PPP1R21: variants seen among roughly 807,000 people sequenced by gnomAD.
PPP1R21 encodes protein phosphatase 1 regulatory subunit 21, also known as KLRAQ motif containing 1.
Under a neutral mutation model 112.8 loss-of-function variants are expected in PPP1R21, and 85 were observed. The ratio of observed to expected loss-of-function variants is 0.75; its 90% confidence interval spans 0.63 to 0.90. PPP1R21 has a LOEUF of 0.90. Ranked by LOEUF, PPP1R21 falls within the 40% of genes least tolerant of loss-of-function variation. The pLI is 0.00. For missense variants in PPP1R21, 1,199 were observed against 901.5 expected, an observed-to-expected ratio of 1.33 and a Z score of -4.23; for synonymous variants, 381 against 322.3, an observed-to-expected ratio of 1.18 and a Z score of -1.95.
intron 1 of PPP1R21, among the ~76,000 whole-genome samples, chr2:48,445,135 C>CTTTTTTT (rs756357658): frequency 9.7e-6 from 1 of 102,636 alleles, no homozygotes; most frequent in Non-Finnish European, 1.9e-5. Context: ...TGAATATGAG[C>CTTTTTTT]TTTTTTTTTT....
At chr2:48,489,905 C>T (rs916577396) in intron 14 of PPP1R21, among the ~76,000 whole-genome samples, 9 of 151,932 alleles carry the variant, frequency 5.9e-5, no homozygotes, top group African/African-American at 1.9e-4. Context: ...TTAGCTGGGA[C>T]GTGGTGGTGC....
Position 48,469,285 on chromosome 2 carries a change from GTGTGTGTGTGTA to G in PPP1R21, c.898-1798_898-1787del, listed in dbSNP as rs773141550. Among the ~76,000 whole-genome samples, 230 of 49,124 alleles carry G rather than the reference GTGTGTGTGTGTA, an allele frequency of 4.7e-3. 10 individuals carry two copies. The highest frequency in any genetic ancestry group is 7.0e-3 in the African/African-American group (97 of 13,810). The allele number at this position is 49,124 out of a possible 152,430, so 32.2% of individuals were successfully genotyped here. The stretch of plus-strand genomic sequence containing the variant: ...ATTGTGTGTGTGTGTGTGTGTGTGT[GTGTGTGTGTGTA>G]TGTATATATATACACACACACACAT... On this transcript the variant is annotated intron_variant, in intron 9 of 21. Transcript: ENST00000294952.
At chr2:48,500,325 C>T (rs1205202813) in intron 17 of PPP1R21, among the ~76,000 whole-genome samples, 1 of 151,850 alleles carries the variant, frequency 6.6e-6, no homozygotes, top group Non-Finnish European at 1.5e-5. Context: ...CTGCACAGAT[C>T]AATAAAGCAA....
intron 3 of PPP1R21, among the ~76,000 whole-genome samples, chr2:48,456,484 C>T (rs564891743): frequency 2.0e-5 from 3 of 152,160 alleles, no homozygotes; most frequent in East Asian, 1.9e-4. Context: ...CTGTGACTTT[C>T]GGCACAATTT....
chr2:48,497,401 T>C (rs1024656759), intron 16 of PPP1R21, among the ~76,000 whole-genome samples: 1 of 152,204 alleles, frequency 6.6e-6, no homozygotes, highest in Non-Finnish European at 1.5e-5. Flanking sequence ...GCCTTCCTCA[T>C]GCCCATTTCC....
At chr2:48,455,409 C>T (rs1362420239) in intron 3 of PPP1R21, among the ~76,000 whole-genome samples, 1 of 151,444 alleles carries the variant, frequency 6.6e-6, no homozygotes, top group Non-Finnish European at 1.5e-5. Context: ...TCCCAAAGTG[C>T]TGGGATTACA....
At chr2:48,496,812 A>C (rs1053256538) in intron 16 of PPP1R21, among the ~76,000 whole-genome samples, 5 of 152,168 alleles carry the variant, frequency 3.3e-5, no homozygotes, top group Admixed American at 3.3e-4. Flanking sequence ...ATGGTTGTCA[A>C]TCATGCCTAT....
At chr2:48,473,926 G>GT (rs1184578880) in intron 11 of PPP1R21, among the ~76,000 whole-genome samples, 2 of 152,106 alleles carry the variant, frequency 1.3e-5, no homozygotes, top group African/African-American at 4.8e-5. Flanking sequence ...TTGTAAATCT[G>GT]TTTGGCTTTG....
At chr2:48,470,077 T>C (rs922057094) in intron 9 of PPP1R21, among the ~76,000 whole-genome samples, 6 of 152,200 alleles carry the variant, frequency 3.9e-5, no homozygotes, top group African/African-American at 1.4e-4. Context: ...TGAGCTATTA[T>C]GTAACATTAG....
chr2:48,467,916 T>G (rs1036547579), intron 9 of PPP1R21, among the ~76,000 whole-genome samples: 7 of 152,222 alleles, frequency 4.6e-5, no homozygotes, highest in Non-Finnish European at 8.8e-5. Context: ...GTCTGAAATA[T>G]GAGTCATGCC....
chr2:48,489,249 T>C (rs946399473), intron 14 of PPP1R21, among the ~76,000 whole-genome samples: 2 of 152,110 alleles, frequency 1.3e-5, no homozygotes, highest in African/African-American at 2.4e-5. Flanking sequence ...GCATTTCATA[T>C]AGCACTGAAG....
chr2:48,497,984 A>T (rs1243626149), intron 16 of PPP1R21, among the ~76,000 whole-genome samples: 1 of 152,138 alleles, frequency 6.6e-6, no homozygotes, highest in Non-Finnish European at 1.5e-5. Context: ...GTTTACAAAC[A>T]TGTCCATTTT....
intron 9 of PPP1R21, among the ~76,000 whole-genome samples, chr2:48,467,985 T>G (rs1668279467): frequency 1.3e-5 from 2 of 152,228 alleles, no homozygotes; most frequent in Non-Finnish European, 2.9e-5. Context: ...ATGCAGTATT[T>G]TCAGGGTCTG....
intron 6 of PPP1R21, 52 bp downstream of exon 6, chr2:48,460,205 A>C: frequency 6.3e-7 from 1 of 1,584,708 alleles, no homozygotes; most frequent in Non-Finnish European, 8.7e-7. Flanking sequence ...CTCAGAAGAC[A>C]TGGGTTTTGG....
intron 13 of PPP1R21, among the ~76,000 whole-genome samples, chr2:48,485,591 A>G (rs1669246693): frequency 6.6e-6 from 1 of 151,944 alleles, no homozygotes. Flanking sequence ...ATATAGGAAT[A>G]TATTAATAAT....
chr2:48,440,820 C>T lies in PPP1R21; in HGVS notation c.-134C>T, dbSNP rs922181495. 58 of 663,004 alleles carry T rather than the reference C, an allele frequency of 8.7e-5. No homozygotes were observed. In the African/African-American group the frequency reaches 9.1e-4, roughly 10 times the overall value. 41.1% of individuals were successfully genotyped at this position (663,004 alleles called of 1,614,324 possible). On this transcript the variant is annotated 5_prime_UTR_variant, in exon 1 of 22. Transcript: ENST00000294952. ...GGAAGTGGAGGAGGAGGCGCGGCGG[C>T]GGCGGCGGCGGCGGCTGCGGTGGCC...
chr2:48,497,406 A>G (rs75436943), intron 16 of PPP1R21, among the ~76,000 whole-genome samples: 1 of 152,242 alleles, frequency 6.6e-6, no homozygotes, highest in East Asian at 1.9e-4. Flanking sequence ...CCTCATGCCC[A>G]TTTCCAGTTA....
intron 13 of PPP1R21, among the ~76,000 whole-genome samples, chr2:48,481,794 A>G (rs763706205): frequency 1.3e-5 from 2 of 152,212 alleles, no homozygotes; most frequent in Admixed American, 6.5e-5. Flanking sequence ...GTAATCTGAA[A>G]TCCAAAATGC....
At chr2:48,445,112 A>G (rs1190881351) in intron 1 of PPP1R21, among the ~76,000 whole-genome samples, 2 of 147,770 alleles carry the variant, frequency 1.4e-5, no homozygotes. Flanking sequence ...CAGGAGCTGG[A>G]TAGGATTAAA....
Sources: allele counts gnomAD v4.1 joint callset (sites outside exome capture counted in the v4.1 genomes callset), GRCh38; gene constraint gnomAD v4.1.1; transcripts MANE v1.5; gene names NCBI Gene and HGNC (gene_info 2026-07-23, HGNC 2026-07-21).